CSMD1: variants seen among roughly 807,000 people sequenced by gnomAD.
The protein encoded by CSMD1 is CUB and Sushi multiple domains 1, also known as CUB and sushi domain-containing protein 1.
In CSMD1, 213 loss-of-function variants were observed where a neutral mutation model predicts 417.5. That is an observed-to-expected ratio of 0.51 (90% CI 0.46 to 0.57). The LOEUF (loss-of-function observed/expected upper bound fraction) is 0.57. CSMD1 is among the 20% of genes least tolerant of loss of function. The pLI is 0.00. For missense variants in CSMD1, 6,923 were observed against 4,529.7 expected, an observed-to-expected ratio of 1.53 and a Z score of -15.17; for synonymous variants, 2,862 against 1,736.8, an observed-to-expected ratio of 1.65 and a Z score of -16.11.
intron 5 of CSMD1, among the ~76,000 whole-genome samples, chr8:3,832,736 A>C (rs1295874446): frequency 6.6e-6 from 1 of 152,170 alleles, no homozygotes; most frequent in Non-Finnish European, 1.5e-5. Flanking sequence ...CACCATGATG[A>C]CTTCTGATAA....
At chr8:3,878,938 CTT>C (rs1563170676) in intron 5 of CSMD1, among the ~76,000 whole-genome samples, 1 of 152,112 alleles carries the variant, frequency 6.6e-6, no homozygotes, top group Non-Finnish European at 1.5e-5. Context: ...CAGAAAATAA[CTT>C]TAATATATGA....
intron 5 of CSMD1, among the ~76,000 whole-genome samples, chr8:3,831,050 G>C (rs566883693): frequency 1.4e-4 from 21 of 152,122 alleles, no homozygotes; most frequent in Non-Finnish European, 2.6e-4. Context: ...AACAGGGTTT[G>C]GGTGTTGGAA....
chr8:4,979,855 T>C (rs139154900), intron 1 of CSMD1, among the ~76,000 whole-genome samples: 11 of 151,736 alleles, frequency 7.2e-5, no homozygotes, highest in South Asian at 2.1e-4. Context: ...GGCTAACACA[T>C]TGAAACCCCA....
At chr8:3,177,120 G>A (rs1043380590) in intron 37 of CSMD1, among the ~76,000 whole-genome samples, 14 of 152,120 alleles carry the variant, frequency 9.2e-5, no homozygotes, top group Non-Finnish European at 1.3e-4. Flanking sequence ...CAGAAGAGAC[G>A]AGAGCCGCAT....
intron 10 of CSMD1, among the ~76,000 whole-genome samples, chr8:3,539,468 G>C (rs1798347751): frequency 6.6e-6 from 1 of 152,124 alleles, no homozygotes; most frequent in Non-Finnish European, 1.5e-5. Context: ...GTTCTAATCT[G>C]CATCTCCAGA....
At chr8:4,005,696 C>T (rs529926390) in intron 4 of CSMD1, among the ~76,000 whole-genome samples, 1 of 152,200 alleles carries the variant, frequency 6.6e-6, no homozygotes, top group Non-Finnish European at 1.5e-5. Context: ...AACAGAAGAA[C>T]TTTCAAGACT....
intron 4 of CSMD1, among the ~76,000 whole-genome samples, chr8:4,017,610 C>T (rs926737237): frequency 1.3e-4 from 20 of 152,078 alleles, no homozygotes; most frequent in African/African-American, 4.8e-4. Context: ...CCAGCTGCCA[C>T]CTCGTTTATA....
chr8:4,582,035 G>C (rs936781631), intron 2 of CSMD1, among the ~76,000 whole-genome samples: 1 of 152,070 alleles, frequency 6.6e-6, no homozygotes, highest in Non-Finnish European at 1.5e-5. Flanking sequence ...GCATCGCAGA[G>C]AGAGAAGCAG....
chr8:3,279,838 C>T (rs1205468685), intron 26 of CSMD1, among the ~76,000 whole-genome samples: 1 of 152,090 alleles, frequency 6.6e-6, no homozygotes, highest in Non-Finnish European at 1.5e-5. Context: ...TACTTATTGT[C>T]ATGAGAACAG....
chr8:4,458,868 C>G (rs958999919), intron 2 of CSMD1, among the ~76,000 whole-genome samples: 2 of 152,154 alleles, frequency 1.3e-5, no homozygotes, highest in African/African-American at 2.4e-5. Context: ...ACTGAATACT[C>G]ATTCCACAGT....
chr8:3,350,145 T>C (rs1266355378), intron 21 of CSMD1, among the ~76,000 whole-genome samples: 1 of 92,996 alleles, frequency 1.1e-5, no homozygotes, highest in African/African-American at 3.9e-5. Flanking sequence ...TAACCTATAA[T>C]AACTTGTGTA....
At chr8:4,836,333 C>G (rs1045873662) in intron 1 of CSMD1, among the ~76,000 whole-genome samples, 3 of 152,172 alleles carry the variant, frequency 2.0e-5, no homozygotes, top group African/African-American at 7.2e-5. Context: ...TGCACCATTT[C>G]CATGTCTTAT....
At chr8:3,768,921 G>T (rs1397746541) in intron 5 of CSMD1, among the ~76,000 whole-genome samples, 1 of 152,196 alleles carries the variant, frequency 6.6e-6, no homozygotes, top group African/African-American at 2.4e-5. Flanking sequence ...AGCACTCACT[G>T]CTTTTCAAGA....
chr8:4,571,802 T>C (rs1798907645), intron 2 of CSMD1, among the ~76,000 whole-genome samples: 1 of 152,342 alleles, frequency 6.6e-6, no homozygotes, highest in Non-Finnish European at 1.5e-5. Flanking sequence ...TTTCCGAATC[T>C]GGGGGCTTCT....
rs187747626 is a variant in CSMD1 at position 4,374,796 on chromosome 8, G to T, written c.415+45157C>A. ...TGGCCACCTGCTCTAGGATGGCCCAGGAGAGGATGGCAGGAAAACGGCCTG... is the reference window on the plus strand; with the variant it reads ...TGGCCACCTGCTCTAGGATGGCCCATGAGAGGATGGCAGGAAAACGGCCTG... On this transcript the variant is annotated intron_variant, in intron 3 of 69. Coordinates refer to ENST00000635120, the MANE Select transcript of CSMD1 (RefSeq NM_033225.6). Among the ~76,000 whole-genome samples the T allele has an allele frequency of 4.2e-4, 64 of 152,224 alleles. No individual in the cohort carries two copies. In the East Asian group the frequency reaches 9.9e-3, roughly 23 times the overall value.
rs79240779 is a variant in CSMD1 at position 4,335,771 on chromosome 8, G to C, written c.415+84182C>G. On this transcript the variant is annotated intron_variant, in intron 3 of 69. Transcript: ENST00000635120. ...CAACAAGATAGAGTCATCAATACCT[G>C]AAGAGGAACATACCACGTTACCTGT... 3.2e-3 allele frequency among the ~76,000 whole-genome samples: 486 copies of C among 152,198 alleles called. 4 individuals are homozygous for C. The highest frequency in any genetic ancestry group is 0.01 in the African/African-American group (425 of 41,534).
intron 6 of CSMD1, among the ~76,000 whole-genome samples, chr8:3,746,926 C>T (rs1480651672): frequency 1.3e-5 from 2 of 152,200 alleles, no homozygotes; most frequent in Non-Finnish European, 2.9e-5. Context: ...ACTGGCCTGT[C>T]AGCTTTCTGC....
chr8:3,300,958 C>CAAAAAAAAAA (rs374180480), intron 25 of CSMD1, among the ~76,000 whole-genome samples: 3 of 50,590 alleles, frequency 5.9e-5, no homozygotes, highest in African/African-American at 2.0e-4. Context: ...GACTCTGTCT[C>CAAAAAAAAAA]AAAAAAAAAA....
chr8:3,115,094 T>C (rs1816782205), intron 42 of CSMD1, among the ~76,000 whole-genome samples: 1 of 152,144 alleles, frequency 6.6e-6, no homozygotes, highest in African/African-American at 2.4e-5. Flanking sequence ...TTTTAAATTG[T>C]TGAACTATAT....
Sources: allele counts gnomAD v4.1 joint callset (sites outside exome capture counted in the v4.1 genomes callset), GRCh38; gene constraint gnomAD v4.1.1; transcripts MANE v1.5; gene names NCBI Gene and HGNC (gene_info 2026-07-23, HGNC 2026-07-21).